VPS13C: variants seen among roughly 807,000 people sequenced by gnomAD.
VPS13C encodes the protein vacuolar protein sorting 13 homolog C, also known as intermembrane lipid transfer protein VPS13C.
VPS13C carries 358 observed loss-of-function variants against 456.8 expected under a neutral mutation model. The observed-to-expected ratio is 0.78, with a 90% CI of 0.72 to 0.86. The LOEUF is 0.86. VPS13C is among the 40% of genes least tolerant of loss of function. The pLI, the probability that VPS13C is intolerant of heterozygous loss-of-function variation, is 0.00. For missense variants in VPS13C, 4,818 were observed against 4,385.4 expected (o/e 1.10, Z -2.79); for synonymous variants, 1,578 against 1,486.7 (o/e 1.06, Z -1.41).
intron 3 of VPS13C, among the ~76,000 whole-genome samples, chr15:62,036,831 T>A (rs1326822660): frequency 1.3e-5 from 2 of 151,900 alleles, no homozygotes; most frequent in South Asian, 2.1e-4. Context: ...GGAAATTTTT[T>A]AAATTTTTAA....
intron 49 of VPS13C, among the ~76,000 whole-genome samples, chr15:61,933,390 G>A (rs1390550371): frequency 6.6e-6 from 1 of 151,996 alleles, no homozygotes; most frequent in Non-Finnish European, 1.5e-5. Context: ...TATGAATATT[G>A]CATAATTTGT....
Position 61,910,315 on chromosome 15 carries a change from T to C in VPS13C, c.8716-10A>G, listed in dbSNP as rs200603241. On this transcript the variant is annotated splice_polypyrimidine_tract_variant and intron_variant, in intron 63 of 84. Coordinates refer to ENST00000644861, the MANE Select transcript of VPS13C (RefSeq NM_020821.3). ...GCCAAAATGGAAGGCACTAAAAATA[T>C]AGAAGTTATTATCAGTCTTAAGACA... The C allele has an allele frequency of 5.5e-5, 83 of 1,502,776 alleles. No individual in the cohort carries two copies. The Middle Eastern group carries it at 7.2e-4, about 13-fold the overall frequency. The allele number at this position is 1,502,776 out of a possible 1,614,324, so 93.1% of individuals were successfully genotyped here. A position where few individuals can be genotyped will look rare whatever the true frequency, so the allele number is the denominator to read the frequency against.
chr15:61,856,666 CT>C (rs928160452), intron 82 of VPS13C: 16 of 184,588 alleles, frequency 8.7e-5, no homozygotes, highest in South Asian at 1.5e-4. Flanking sequence ...AAAAGTGTAA[CT>C]TTTTTTTCTT....
At position 61,983,969 on chromosome 15, in the gene VPS13C, G is replaced by A. The variant is rs202117436; in HGVS notation, c.1765C>T (p.Gln589Ter). The A allele has an allele frequency of 9.9e-6, 16 of 1,613,976 alleles. No homozygotes were observed. The highest frequency in any genetic ancestry group is 1.3e-5 in the Non-Finnish European group (15 of 1,179,994). ...LEHWYITGLR[Q>*]QDIVPSLVAS... ...ACAAGTGATGGCACAATATCCTGCT[G>A]TCTCAAACCTGTTATATACCAGTGT... is the stretch of plus-strand genomic sequence containing the variant. Residue 589 changes from glutamine (Q) to a stop codon, truncating the protein, a stop_gained, in exon 20 of 85, where the codon CAG becomes TAG. Transcript: ENST00000644861. LOFTEE classifies it high-confidence loss of function.
chr15:61,899,382 G>C (rs1783795441), intron 66 of VPS13C, among the ~76,000 whole-genome samples: 1 of 150,020 alleles, frequency 6.7e-6, no homozygotes, highest in Non-Finnish European at 1.5e-5. Flanking sequence ...AAAAAAGAGA[G>C]AAGAATCAAA....
chr15:61,925,914 G>A (rs1013282007), intron 52 of VPS13C, among the ~76,000 whole-genome samples: 1 of 152,160 alleles, frequency 6.6e-6, no homozygotes, highest in African/African-American at 2.4e-5. Flanking sequence ...ACTGTGGTAA[G>A]GTAGGTAAGT....
intron 40 of VPS13C, 146 bp from the exon 41 acceptor site, chr15:61,950,563 A>G: frequency 1.5e-6 from 1 of 674,780 alleles, no homozygotes; most frequent in Admixed American, 3.3e-5. Flanking sequence ...TTCAAAAAAA[A>G]AAAACAAAAA....
chr15:61,920,347 T>C lies in VPS13C; in HGVS notation c.7213-16A>G, dbSNP rs769732553. On this transcript the variant is annotated splice_polypyrimidine_tract_variant and intron_variant, in intron 56 of 84. Coordinates refer to ENST00000644861, the MANE Select transcript of VPS13C (RefSeq NM_020821.3). ...CTGAAAAACCCTGAAAAGGAACATA[T>C]CATCACAGTAAAATTTTTGAAAAAC... is the stretch of plus-strand genomic sequence containing the variant. 3.9e-6 allele frequency: 6 copies of C among 1,556,244 alleles called. No individual in the cohort carries two copies. The East Asian group carries it at 9.1e-5, about 24-fold the overall frequency.
chr15:61,865,690 A>G (rs28595071), intron 81 of VPS13C: 3 of 391,336 alleles, frequency 7.7e-6, no homozygotes, highest in East Asian at 3.3e-4. Flanking sequence ...TTGTATGTGT[A>G]TATATATGTG....
chr15:61,909,520 T>C (rs532936520), intron 64 of VPS13C, among the ~76,000 whole-genome samples: 28 of 152,330 alleles, frequency 1.8e-4, no homozygotes, highest in African/African-American at 6.3e-4. Context: ...TTCCTTAAGT[T>C]CTTACTAAAA....
chr15:62,009,524 T>G (rs2046973321), intron 13 of VPS13C, among the ~76,000 whole-genome samples: 1 of 152,210 alleles, frequency 6.6e-6, no homozygotes, highest in Non-Finnish European at 1.5e-5. Context: ...ATTATAACTT[T>G]TTACATTTAT....
rs1002212644 is a variant in VPS13C, at chr15:61,981,704, C to CA, written c.2030-227dup. On this transcript the variant is annotated intron_variant, in intron 21 of 84. Coordinates refer to ENST00000644861, the MANE Select transcript of VPS13C (RefSeq NM_020821.3). ...TGAAACCCCGTCTGTACTAAAAATACAAAAAAAAATTAGCCAGGCGTGGTG... is the reference window on the plus strand; with the variant it reads ...TGAAACCCCGTCTGTACTAAAAATACAAAAAAAAAATTAGCCAGGCGTGGTG... Among the ~76,000 whole-genome samples, 135 of 150,682 alleles carry CA rather than the reference C, an allele frequency of 9.0e-4. 1 individual carries two copies. Among genetic ancestry groups the CA allele is most frequent in the African/African-American group, 2.8e-3 (116 of 41,162 alleles).
At chr15:62,021,061 C>T (rs768744873) in intron 8 of VPS13C, among the ~76,000 whole-genome samples, 35 of 151,858 alleles carry the variant, frequency 2.3e-4, no homozygotes, top group Non-Finnish European at 4.6e-4. Flanking sequence ...ACAAACTGCA[C>T]GTTCTCACTT....
In VPS13C at chr15:62,017,111, C is replaced by A. The variant is rs1449980250; in HGVS notation, c.685-3119G>T. Among the ~76,000 whole-genome samples the A allele has an allele frequency of 2.0e-5, 3 of 150,396 alleles. No individual in the cohort carries two copies. The East Asian group carries it at 5.8e-4, about 29-fold the overall frequency. ...TCTTTTGAGAAGTGTCTGTTCATATCCTTCGCACACTTGTTGATGGGGTTG... is the reference window on the plus strand; with the variant it reads ...TCTTTTGAGAAGTGTCTGTTCATATACTTCGCACACTTGTTGATGGGGTTG... On this transcript the variant is annotated intron_variant, in intron 9 of 84. Transcript: ENST00000644861.
intron 32 of VPS13C, among the ~76,000 whole-genome samples, chr15:61,963,523 A>G (rs1410688215): frequency 6.6e-6 from 1 of 152,094 alleles, no homozygotes. Flanking sequence ...ACAGACCTTC[A>G]CCTAAAATCT....
chr15:61,854,583 A>C (rs1893806119), intron 84 of VPS13C, 25 bp from the exon 85 acceptor site: 1 of 1,605,394 alleles, frequency 6.2e-7, no homozygotes, highest in African/African-American at 1.3e-5. Context: ...ACTTATTATG[A>C]ATTTTAAAGA....
intron 66 of VPS13C, among the ~76,000 whole-genome samples, chr15:61,904,478 TAAA>T (rs750420390): frequency 1.5e-5 from 2 of 131,950 alleles, no homozygotes; most frequent in African/African-American, 2.8e-5. Flanking sequence ...AGGCTTTAAT[TAAA>T]AAAAAAAAAA....
intron 66 of VPS13C, among the ~76,000 whole-genome samples, chr15:61,898,608 C>T (rs1280120792): frequency 4.0e-5 from 6 of 149,724 alleles, no homozygotes; most frequent in Non-Finnish European, 8.9e-5. Context: ...TAAAGCAAGT[C>T]CTGAGTGACC....
chr15:62,018,414 G>C lies in VPS13C; in HGVS notation c.684+2065C>G, dbSNP rs926707213. Among the ~76,000 whole-genome samples the C allele has an allele frequency of 1.4e-4, 21 of 151,704 alleles. No individual in the cohort carries two copies. In the Middle Eastern group the frequency reaches 0.014, roughly 98 times the overall value. ...TTTTTGCCCATTCACTATGATATTG[G>C]CTGTGGGTTTTTCATAAATAGCTCT... On this transcript the variant is annotated intron_variant, in intron 9 of 84. Coordinates refer to ENST00000644861, the MANE Select transcript of VPS13C (RefSeq NM_020821.3).
Sources: allele counts gnomAD v4.1 joint callset (sites outside exome capture counted in the v4.1 genomes callset), GRCh38; gene constraint gnomAD v4.1.1; transcripts MANE v1.5; gene names NCBI Gene and HGNC (gene_info 2026-07-23, HGNC 2026-07-21).